Variants in PTPRD observed in about 807,000 individuals in gnomAD.
PTPRD encodes protein tyrosine phosphatase receptor type D.
PTPRD carries 34 observed loss-of-function variants against 214.5 expected under a neutral mutation model. That is an observed-to-expected ratio of 0.16 (90% CI 0.12 to 0.21). PTPRD has a LOEUF of 0.21. Ranked by LOEUF, PTPRD falls within the 10% of genes least tolerant of loss-of-function variation. The pLI is 1.00. For synonymous variants in PTPRD, 1,128 were observed against 845.7 expected (o/e 1.33, Z -5.79); for missense variants, 2,545 against 2,398.7 (o/e 1.06, Z -1.27).
At chr9:9,941,050 C>A (rs1207922980) in intron 4 of PTPRD, among the ~76,000 whole-genome samples, 1 of 152,098 alleles carries the variant, frequency 6.6e-6, no homozygotes, top group African/African-American at 2.4e-5. Flanking sequence ...TACACTAACA[C>A]TAATGACAGC....
chr9:10,324,185 G>A (rs181220341), intron 3 of PTPRD, among the ~76,000 whole-genome samples: 89 of 152,148 alleles, frequency 5.8e-4, no homozygotes, highest in Middle Eastern at 6.8e-3. Context: ...AGGGACTATA[G>A]CTTTCACAAT....
chr9:8,417,843 G>T lies in PTPRD; in HGVS notation c.4087-13183C>A, dbSNP rs2094055020. ...TGTGTCCAAAGAAAAAGCTGAAACAGTAACTGTAATCCAAATACACAGATA... is the reference window on the plus strand; with the variant it reads ...TGTGTCCAAAGAAAAAGCTGAAACATTAACTGTAATCCAAATACACAGATA... On this transcript the variant is annotated intron_variant, in intron 35 of 45. Coordinates refer to ENST00000381196, the MANE Select transcript of PTPRD (RefSeq NM_002839.4). Among the ~76,000 whole-genome samples the T allele has an allele frequency of 3.3e-5, 5 of 152,238 alleles. No homozygotes were observed. The South Asian group carries it at 1.0e-3, about 32-fold the overall frequency.
At chr9:8,976,065 A>T (rs1163460464) in intron 11 of PTPRD, among the ~76,000 whole-genome samples, 1 of 152,012 alleles carries the variant, frequency 6.6e-6, no homozygotes, top group Non-Finnish European at 1.5e-5. Flanking sequence ...TTTCCTCAGG[A>T]TACAACTAAG....
intron 7 of PTPRD, among the ~76,000 whole-genome samples, chr9:9,581,683 T>C (rs973114831): frequency 1.6e-4 from 25 of 152,090 alleles, no homozygotes; most frequent in Non-Finnish European, 3.4e-4. Flanking sequence ...CTTATCAAAA[T>C]CTTCTCAACG....
At chr9:9,493,787 CAA>C (rs750252052) in intron 8 of PTPRD, among the ~76,000 whole-genome samples, 828 of 54,344 alleles carry the variant, frequency 0.015, 4 homozygotes, top group African/African-American at 0.05. Flanking sequence ...GACTCCGTCT[CAA>C]AAAAAAAAAA....
chr9:10,401,469 G>A (rs893910135), intron 2 of PTPRD, among the ~76,000 whole-genome samples: 2 of 150,744 alleles, frequency 1.3e-5, no homozygotes, highest in African/African-American at 4.9e-5. Flanking sequence ...ATGGCAAAAG[G>A]TATTAGATAT....
At position 8,317,062 on chromosome 9, in the gene PTPRD, T is replaced by G. The variant is rs1345439913; in HGVS notation, c.*812A>C. On this transcript the variant is annotated 3_prime_UTR_variant, in exon 46 of 46. Transcript: ENST00000381196. ...ACAAAATAATAATTATCTTTGATTA[T>G]TTGAAGAGAATGGGTACTTTCTCAC... The G allele has an allele frequency of 8.6e-6, 2 of 231,698 alleles. No homozygotes were observed. The highest frequency in any genetic ancestry group is 8.6e-6 in the Non-Finnish European group (1 of 116,904). 14.4% of individuals were successfully genotyped at this position (231,698 alleles called of 1,614,324 possible). A position where few individuals can be genotyped will look rare whatever the true frequency, so the allele number is the denominator to read the frequency against.
intron 3 of PTPRD, among the ~76,000 whole-genome samples, chr9:10,254,031 C>A (rs2093026161): frequency 6.6e-6 from 1 of 152,096 alleles, no homozygotes; most frequent in African/African-American, 2.4e-5. Flanking sequence ...ACACATTTCC[C>A]CGTAATCTTA....
At chr9:9,060,613 C>T (rs1034513448) in intron 10 of PTPRD, among the ~76,000 whole-genome samples, 1 of 151,636 alleles carries the variant, frequency 6.6e-6, no homozygotes, top group African/African-American at 2.4e-5. Context: ...ATATAATAAA[C>T]AGATAGTATA....
chr9:8,759,347 C>T (rs80227747), intron 11 of PTPRD, among the ~76,000 whole-genome samples: 1 of 152,098 alleles, frequency 6.6e-6, no homozygotes, highest in Non-Finnish European at 1.5e-5. Context: ...CCACCATGCC[C>T]GGCCTAATGT....
intron 10 of PTPRD, among the ~76,000 whole-genome samples, chr9:9,048,964 G>C (rs912626194): frequency 2.6e-5 from 4 of 151,950 alleles, no homozygotes; most frequent in African/African-American, 4.8e-5. Context: ...AAAATTAAAA[G>C]TTAACAAAAT....
intron 34 of PTPRD, among the ~76,000 whole-genome samples, chr9:8,437,536 A>T (rs1277202518): frequency 6.6e-6 from 1 of 152,174 alleles, no homozygotes; most frequent in African/African-American, 2.4e-5. Context: ...TGAGCTTCAA[A>T]AATGTTTCCA....
At chr9:9,549,399 A>G (rs189078736) in intron 8 of PTPRD, among the ~76,000 whole-genome samples, 268 of 152,202 alleles carry the variant, frequency 1.8e-3, no homozygotes, top group Non-Finnish European at 3.1e-3. Context: ...AAACCATCCA[A>G]ATAGCCAATA....
At chr9:9,104,011 G>T (rs536783295) in intron 10 of PTPRD, among the ~76,000 whole-genome samples, 1 of 152,126 alleles carries the variant, frequency 6.6e-6, no homozygotes, top group Non-Finnish European at 1.5e-5. Context: ...TAAAAAAGAT[G>T]AAGCAGTTCT....
At chr9:9,616,653 A>T (rs937677380) in intron 7 of PTPRD, among the ~76,000 whole-genome samples, 1 of 152,136 alleles carries the variant, frequency 6.6e-6, no homozygotes, top group Non-Finnish European at 1.5e-5. Context: ...ACACGGCTAT[A>T]TGAAAAAGTT....
intron 11 of PTPRD, among the ~76,000 whole-genome samples, chr9:8,964,868 T>G (rs546510946): frequency 6.6e-6 from 1 of 152,262 alleles, no homozygotes; most frequent in South Asian, 2.1e-4. Flanking sequence ...AGAAATCTTT[T>G]TGGTATTGAT....
intron 33 of PTPRD, among the ~76,000 whole-genome samples, chr9:8,450,065 C>A (rs1350292440): frequency 1.3e-5 from 2 of 152,126 alleles, no homozygotes; most frequent in East Asian, 1.9e-4. Context: ...CCTCCTCCAA[C>A]TGCAGGATTA....
intron 32 of PTPRD, 106 bp downstream of exon 32, chr9:8,465,360 T>C: frequency 3.0e-6 from 3 of 1,009,312 alleles, no homozygotes; most frequent in Non-Finnish European, 4.5e-6. Flanking sequence ...TAACAGTTCA[T>C]GAGAAATAAT....
intron 4 of PTPRD, among the ~76,000 whole-genome samples, chr9:10,007,952 A>G (rs2096523288): frequency 6.6e-6 from 1 of 152,002 alleles, no homozygotes. Context: ...TCTATACTTA[A>G]GAACCATTAT....
Sources: gnomAD v4.1 joint callset for allele counts (sites outside exome capture counted in the v4.1 genomes callset) on GRCh38, gnomAD v4.1.1 for gene constraint, MANE v1.5 for transcripts, NCBI Gene and HGNC (gene_info 2026-07-23, HGNC 2026-07-21) for gene names.